Variants in NSFL1C observed in about 807,000 individuals in gnomAD.
NSFL1C encodes NSFL1 cofactor p47.
A neutral mutation model predicts 43.1 loss-of-function variants in NSFL1C; 14 were observed. That is an observed-to-expected ratio of 0.32 (90% confidence interval 0.21 to 0.51). The LOEUF (loss-of-function observed/expected upper bound fraction) is 0.51. Ranked by LOEUF, NSFL1C falls within the 20% of genes least tolerant of loss-of-function variation. The pLI, the probability that NSFL1C is intolerant of heterozygous loss-of-function variation, is 0.98. For synonymous variants in NSFL1C, 171 were observed against 183.5 expected (o/e 0.93, Z 0.55); for missense variants, 406 against 472.5 (o/e 0.86, Z 1.30).
intron 7 of NSFL1C, among the ~76,000 whole-genome samples, chr20:1,451,854 C>A (rs78503429): frequency 0.028 from 4,297 of 152,260 alleles, 100 homozygotes; most frequent in Non-Finnish European, 0.043. Flanking sequence ...TAGCAGAGGA[C>A]ACAATGCAGA....
chr20:1,466,617 A>G, intron 1 of NSFL1C, 103 bp downstream of exon 1: 2 of 1,122,170 alleles, frequency 1.8e-6, no homozygotes, highest in African/African-American at 1.6e-5. Context: ...GCCGCGGTAG[A>G]GCGGGGATGA....
intron 3 of NSFL1C, chr20:1,456,777 AT>A (rs780183982): frequency 6.6e-6 from 1 of 152,242 alleles, no homozygotes; most frequent in Non-Finnish European, 1.5e-5. Context: ...CCTAAAAAAA[AT>A]CTGAAATGTG....
intron 2 of NSFL1C, among the ~76,000 whole-genome samples, chr20:1,459,040 A>G (rs534352032): frequency 3.3e-5 from 5 of 152,320 alleles, no homozygotes; most frequent in African/African-American, 1.2e-4. Context: ...TCCTCAAGGA[A>G]CAAGCTTAAG....
chr20:1,463,501 G>A (rs991127158), intron 2 of NSFL1C: 2 of 152,168 alleles, frequency 1.3e-5, no homozygotes, highest in African/African-American at 4.8e-5. Context: ...CTCCTTCTTC[G>A]AAGGGAGGAA....
chr20:1,460,672 C>T (rs1218417521), intron 2 of NSFL1C, among the ~76,000 whole-genome samples: 6 of 152,212 alleles, frequency 3.9e-5, no homozygotes, highest in African/African-American at 1.2e-4. Flanking sequence ...GATGGAAATG[C>T]TCTATCTGCA....
intron 3 of NSFL1C, chr20:1,456,742 T>C (rs1271055374): frequency 1.3e-5 from 2 of 152,204 alleles, no homozygotes; most frequent in Admixed American, 1.3e-4. Flanking sequence ...GCCCTTGACC[T>C]GGTATTTCCA....
At chr20:1,444,287 G>A (rs1049237784) in intron 8 of NSFL1C, among the ~76,000 whole-genome samples, 1 of 152,106 alleles carries the variant, frequency 6.6e-6, no homozygotes, top group Non-Finnish European at 1.5e-5. Context: ...CTCAGGCCTC[G>A]GATCCAATGC....
Position 1,461,753 on chromosome 20 carries a change from T to C in NSFL1C, c.203+2576A>G, listed in dbSNP as rs187933212. Among the ~76,000 whole-genome samples the C allele has an allele frequency of 3.0e-3, 462 of 152,254 alleles. 6 individuals carry two copies. The highest frequency in any genetic ancestry group is 6.8e-3 in the Middle Eastern group (2 of 294). ...AACTTCAGTGTCCTCATCTGTAAAA[T>C]AGGAATAGTACTAACCTCAGTGCTA... On this transcript the variant is annotated intron_variant, in intron 2 of 8. Coordinates refer to ENST00000216879, the MANE Select transcript of NSFL1C (RefSeq NM_016143.5).
In NSFL1C at chr20:1,453,152, G is replaced by T. The variant is rs2090219934; in HGVS notation, c.538-12C>A. The T allele has an allele frequency of 1.4e-6, 2 of 1,453,836 alleles. No homozygotes were observed. The highest frequency in any genetic ancestry group is 9.7e-7 in the Non-Finnish European group (1 of 1,034,008). The allele number at this position is 1,453,836 out of a possible 1,614,324, so 90.1% of individuals were successfully genotyped here. A position where few individuals can be genotyped will look rare whatever the true frequency, so the allele number is the denominator to read the frequency against. The stretch of plus-strand genomic sequence containing the variant: ...AATACTACATGAACCTGTGATGACA[G>T]GGAGTAAACAGTTACCAGGGATCTG... On this transcript the variant is annotated splice_polypyrimidine_tract_variant and intron_variant, in intron 5 of 8. Coordinates refer to ENST00000216879, the MANE Select transcript of NSFL1C (RefSeq NM_016143.5).
Position 1,452,482 on chromosome 20 carries a change from C to T in NSFL1C, c.785+11G>A, listed in dbSNP as rs370525236. 6.2e-7 allele frequency: 1 copy of T among 1,613,680 alleles called. No individual in the cohort carries two copies. The highest frequency in any genetic ancestry group is 8.5e-7 in the Non-Finnish European group (1 of 1,179,720). ...TGACAGAGTCTGGCTCTAACCTGTG[C>T]TGCCCCTTACCTGCCCAGTTTCTGA... On this transcript the variant is annotated intron_variant, in intron 7 of 8. Transcript: ENST00000216879.
chr20:1,459,570 T>C (rs2090370171), intron 2 of NSFL1C, among the ~76,000 whole-genome samples: 1 of 152,136 alleles, frequency 6.6e-6, no homozygotes, highest in Admixed American at 6.5e-5. Flanking sequence ...GGAAGAAAGC[T>C]CCAGTTCAGT....
At chr20:1,460,565 C>T (rs1015335481) in intron 2 of NSFL1C, among the ~76,000 whole-genome samples, 1 of 152,160 alleles carries the variant, frequency 6.6e-6, no homozygotes, top group African/African-American at 2.4e-5. Context: ...GAACTATCTC[C>T]CAGGCTACTC....
In NSFL1C at chr20:1,466,837, C is replaced by A; in HGVS notation, c.-13G>T. The A allele has an allele frequency of 6.6e-7, 1 of 1,526,000 alleles. No homozygotes were observed. The highest frequency in any genetic ancestry group is 8.8e-7 in the Non-Finnish European group (1 of 1,139,208). 94.5% of individuals were successfully genotyped at this position (1,526,000 alleles called of 1,614,324 possible). On this transcript the variant is annotated 5_prime_UTR_variant, in exon 1 of 9. Coordinates refer to ENST00000216879, the MANE Select transcript of NSFL1C (RefSeq NM_016143.5). The stretch of plus-strand genomic sequence containing the variant: ...GCTCCGCCGCCATCTTCGCCCCGTG[C>A]GCCTTCCAAAGCGCTCCGGCGGCCG...
chr20:1,462,988 T>A (rs1201346362), intron 2 of NSFL1C, among the ~76,000 whole-genome samples: 1 of 152,216 alleles, frequency 6.6e-6, no homozygotes, highest in South Asian at 2.1e-4. Context: ...TCCCATGTGG[T>A]AGGCACTATC....
At chr20:1,460,216 G>A (rs764337013) in intron 2 of NSFL1C, among the ~76,000 whole-genome samples, 28 of 152,166 alleles carry the variant, frequency 1.8e-4, no homozygotes, top group Non-Finnish European at 8.8e-5. Flanking sequence ...TGCATGGTGT[G>A]GCACATTTAA....
At position 1,452,549 on chromosome 20, in the gene NSFL1C, A is replaced by G; in HGVS notation, c.729T>C (p.Phe243=). Residue 243 remains phenylalanine, a synonymous_variant, in exon 7 of 9, where the codon TTT becomes TTC. Transcript: ENST00000216879. ...LDMEDHRDED[F]VKPKGAFKAF... The stretch of plus-strand genomic sequence containing the variant: ...CTTTGAAGGCTCCTTTGGGCTTCAC[A>G]AAGTCCTCGTCCCGATGGTCCTCCA... 6.2e-7 allele frequency: 1 copy of G among 1,614,192 alleles called. No homozygotes were observed. Among genetic ancestry groups the G allele is most frequent in the South Asian group, 1.1e-5 (1 of 91,082 alleles).
chr20:1,464,307 G>A (rs1261375592), intron 2 of NSFL1C, 22 bp downstream of exon 2: 12 of 1,601,736 alleles, frequency 7.5e-6, no homozygotes, highest in Non-Finnish European at 1.0e-5. Context: ...CTCATGTAGC[G>A]ATAATTGAAG....
chr20:1,462,528 T>TC (rs2090433137), intron 2 of NSFL1C, among the ~76,000 whole-genome samples: 1 of 107,770 alleles, frequency 9.3e-6, no homozygotes. Flanking sequence ...CTTTTATGCC[T>TC]TTTTTTTTTT....
intron 1 of NSFL1C, 118 bp downstream of exon 1, chr20:1,466,602 G>A: frequency 2.0e-6 from 2 of 979,218 alleles, no homozygotes; most frequent in Non-Finnish European, 3.0e-6. Flanking sequence ...TGAGGCCTGG[G>A]TCGGGCCGCG....
Sources: allele counts gnomAD v4.1 joint callset (sites outside exome capture counted in the v4.1 genomes callset), GRCh38; gene constraint gnomAD v4.1.1; transcripts MANE v1.5; gene names NCBI Gene and HGNC (gene_info 2026-07-23, HGNC 2026-07-21).